Variants in DUSP22 observed in about 807,000 individuals in gnomAD.
The protein encoded by DUSP22 is dual specificity phosphatase 22, also known as dual specificity protein phosphatase 22.
A neutral mutation model predicts 24.5 loss-of-function variants in DUSP22; 24 were observed. The observed-to-expected ratio is 0.98, with a 90% confidence interval of 0.71 to 1.38. The LOEUF (loss-of-function observed/expected upper bound fraction) is 1.38. DUSP22 is among the 40% of genes most tolerant of loss of function. The pLI, the probability that DUSP22 is intolerant of heterozygous loss-of-function variation, is 0.00. For missense variants in DUSP22, 330 were observed against 269.2 expected (o/e 1.23, Z -1.58); for synonymous variants, 160 against 106.4 (o/e 1.50, Z -3.10).
chr6:301,014 T>G (rs1757557679), intron 1 of DUSP22, among the ~76,000 whole-genome samples: 1 of 152,298 alleles, frequency 6.6e-6, no homozygotes, highest in Non-Finnish European at 1.5e-5. Context: ...AAGAGGACAC[T>G]CTAGGCTATC....
At chr6:297,382 C>T (rs1350155771) in intron 1 of DUSP22, among the ~76,000 whole-genome samples, 1 of 152,300 alleles carries the variant, frequency 6.6e-6, no homozygotes, top group Non-Finnish European at 1.5e-5. Flanking sequence ...GTGACTGACA[C>T]TTGTTTGAGG....
At chr6:324,750 G>A (rs1468892566) in intron 3 of DUSP22, among the ~76,000 whole-genome samples, 13 of 152,300 alleles carry the variant, frequency 8.5e-5, no homozygotes, top group Non-Finnish European at 1.3e-4. Context: ...GGGATCATCC[G>A]TGCTGTTTAG....
intron 1 of DUSP22, among the ~76,000 whole-genome samples, chr6:295,799 C>CAAAA (rs61498181): frequency 2.2e-5 from 3 of 137,972 alleles, no homozygotes; most frequent in East Asian, 2.1e-4. Flanking sequence ...GACCCTGTTT[C>CAAAA]AAAAAAAAAA....
chr6:347,257 T>C (rs1274170983), intron 5 of DUSP22, among the ~76,000 whole-genome samples: 2 of 152,308 alleles, frequency 1.3e-5, no homozygotes. Flanking sequence ...AGCCACTACT[T>C]GAGAGTGGGG....
intron 3 of DUSP22, among the ~76,000 whole-genome samples, chr6:332,237 T>C (rs1017401912): frequency 2.2e-4 from 34 of 152,292 alleles, no homozygotes; most frequent in African/African-American, 8.2e-4. Flanking sequence ...TATTTTTATC[T>C]GTCCTGCCTT....
At chr6:295,969 G>C (rs1180859134) in intron 1 of DUSP22, among the ~76,000 whole-genome samples, 1 of 152,284 alleles carries the variant, frequency 6.6e-6, no homozygotes, top group Non-Finnish European at 1.5e-5. Flanking sequence ...ATGCCAGGCA[G>C]GGCAGAACCC....
Position 349,470 on chromosome 6 carries a change from C to T in DUSP22, c.*519C>T. On this transcript the variant is annotated 3_prime_UTR_variant, in exon 7 of 7. Coordinates refer to ENST00000419235, the MANE Select transcript of DUSP22 (RefSeq NM_001286555.3). Reference sequence around the variant, plus strand: ...TTGAGCTCGACCTCCGAAAAGCTACCCAGCAAAGAGCAGTCTGTGCCTCTG... The same window carrying T: ...TTGAGCTCGACCTCCGAAAAGCTACTCAGCAAAGAGCAGTCTGTGCCTCTG... 2.0e-6 allele frequency: 2 copies of T among 1,008,020 alleles called. No homozygotes were observed. The highest frequency in any genetic ancestry group is 2.4e-6 in the Non-Finnish European group (2 of 844,086). The allele number at this position is 1,008,020 out of a possible 1,614,324, so 62.4% of individuals were successfully genotyped here. A position where few individuals can be genotyped will look rare whatever the true frequency, so the allele number is the denominator to read the frequency against.
intron 3 of DUSP22, among the ~76,000 whole-genome samples, chr6:317,443 T>C (rs1758384764): frequency 6.6e-6 from 1 of 152,308 alleles, no homozygotes; most frequent in South Asian, 2.1e-4. Flanking sequence ...TTCTCTTTCC[T>C]CTCTTCCCAC....
intron 1 of DUSP22, among the ~76,000 whole-genome samples, chr6:296,742 A>G (rs1369332057): frequency 2.6e-5 from 4 of 152,296 alleles, no homozygotes; most frequent in South Asian, 2.1e-4. Flanking sequence ...GGCTGCCCCA[A>G]ATGCTTCTCA....
At chr6:341,647 C>A (rs1268462327) in intron 4 of DUSP22, among the ~76,000 whole-genome samples, 1 of 152,308 alleles carries the variant, frequency 6.6e-6, no homozygotes, top group African/African-American at 2.4e-5. Flanking sequence ...ATCCTTCCGG[C>A]TCCTGGGGTG....
chr6:348,935 A>G lies in DUSP22; in HGVS notation c.602A>G (p.Tyr201Cys). Residue 201 changes from tyrosine to cysteine, a missense_variant, in exon 7 of 7, where the codon TAT becomes TGT. Tyr to Cys is a radical substitution (Grantham distance 194). Coordinates refer to ENST00000419235, the MANE Select transcript of DUSP22 (RefSeq NM_001286555.3). ...CTGGCTCCGCTGACCTACGATAATT[A>G]TACGACGGAGACCTAACGCAAGCGA... Reference protein sequence around the residue: ...PALAPLTYDNYTTET With the variant: ...PALAPLTYDNCTTET 1.2e-6 allele frequency: 2 copies of G among 1,605,116 alleles called. No homozygotes were observed. Among genetic ancestry groups the G allele is most frequent in the Non-Finnish European group, 1.7e-6 (2 of 1,175,188 alleles).
chr6:334,410 TTA>T (rs77201755), intron 3 of DUSP22, among the ~76,000 whole-genome samples: 8,288 of 145,948 alleles, frequency 0.057, 4 homozygotes, highest in East Asian at 0.11. Flanking sequence ...ATTTTTTTTT[TTA>T]AATAAATCTC....
rs1760159684 is a variant in DUSP22, at chr6:350,694, C to T, written c.*1743C>T. ...CCTAAGCCAAAAATAAATACGTTAA[C>T]AGAAAAATGATTTAGGATATAGCTT... is the stretch of plus-strand genomic sequence containing the variant. On this transcript the variant is annotated 3_prime_UTR_variant, in exon 7 of 7. Transcript: ENST00000419235. 6.3e-7 allele frequency: 1 copy of T among 1,580,100 alleles called. No homozygotes were observed. Among genetic ancestry groups the T allele is most frequent in the African/African-American group, 1.4e-5 (1 of 73,596 alleles).
intron 1 of DUSP22, among the ~76,000 whole-genome samples, chr6:293,108 C>A (rs1294261486): frequency 4.6e-5 from 7 of 152,284 alleles, no homozygotes; most frequent in African/African-American, 1.7e-4. Flanking sequence ...AGAAAAGATT[C>A]AGAGTTGATT....
At chr6:310,920 TTTG>T (rs1758055955) in intron 2 of DUSP22, among the ~76,000 whole-genome samples, 1 of 152,426 alleles carries the variant, frequency 6.6e-6, no homozygotes, top group South Asian at 2.1e-4. Context: ...GATTAACACT[TTTG>T]TTGCCTAAAA....
chr6:344,783 G>A (rs1348243000), intron 4 of DUSP22, among the ~76,000 whole-genome samples: 4 of 152,306 alleles, frequency 2.6e-5, no homozygotes, highest in Admixed American at 1.3e-4. Flanking sequence ...AGACAGGACT[G>A]CCAAAGTCCC....
chr6:350,080 T>C lies in DUSP22; in HGVS notation c.*1129T>C, dbSNP rs1760119751. The C allele has an allele frequency of 1.0e-6, 1 of 985,586 alleles. No individual in the cohort carries two copies. Among genetic ancestry groups the C allele is most frequent in the South Asian group, 4.7e-5 (1 of 21,298 alleles). 61.1% of individuals were successfully genotyped at this position (985,586 alleles called of 1,614,324 possible). ...TTGGTATTCACTTGGGTTTGATAAT[T>C]GATCTGAGCTACCTCATTGAATGTT... On this transcript the variant is annotated 3_prime_UTR_variant, in exon 7 of 7. Coordinates refer to ENST00000419235, the MANE Select transcript of DUSP22 (RefSeq NM_001286555.3).
At chr6:331,330 T>A in intron 3 of DUSP22, among the ~76,000 whole-genome samples, 1 of 152,310 alleles carries the variant, frequency 6.6e-6, no homozygotes, top group East Asian at 1.9e-4. Context: ...AGAGGTAGTA[T>A]GAGGGAGTGA....
chr6:305,620 G>A (rs564551336), intron 2 of DUSP22, among the ~76,000 whole-genome samples: 5 of 152,420 alleles, frequency 3.3e-5, no homozygotes, highest in African/African-American at 9.6e-5. Context: ...TCTGGAGCAC[G>A]GTGGTCACTG....
Sources: gnomAD v4.1 joint callset for allele counts (sites outside exome capture counted in the v4.1 genomes callset) on GRCh38, gnomAD v4.1.1 for gene constraint, MANE v1.5 for transcripts, NCBI Gene and HGNC (gene_info 2026-07-23, HGNC 2026-07-21) for gene names.